The following PFKFB3 variants were observed in gnomAD, a reference collection of about 807,000 sequenced individuals.
PFKFB3 encodes 6-phosphofructo-2-kinase/fructose-2,6-bisphosphatase 3.
A neutral mutation model predicts 68.0 loss-of-function variants in PFKFB3; 33 were observed. The ratio of observed to expected loss-of-function variants is 0.49; its 90% CI spans 0.37 to 0.65. The LOEUF (loss-of-function observed/expected upper bound fraction) is 0.65. PFKFB3 is among the 30% of genes least tolerant of loss of function. The pLI is 0.00. For missense variants in PFKFB3, 586 were observed against 712.2 expected, an observed-to-expected ratio of 0.82 and a Z score of 2.02; for synonymous variants, 315 against 288.2, an observed-to-expected ratio of 1.09 and a Z score of -0.94.
chr10:6,189,059 T>G (rs952748412), intron 1 of PFKFB3, among the ~76,000 whole-genome samples: 6 of 152,162 alleles, frequency 3.9e-5, no homozygotes, highest in Non-Finnish European at 7.4e-5. Flanking sequence ...CAGGATGGTC[T>G]CGATCTCCTG....
At chr10:6,274,845 AC>A in the PFKFB3 span, among the ~76,000 whole-genome samples, 15 of 151,842 alleles carry the variant, frequency 9.9e-5, no homozygotes, top group Non-Finnish European at 2.9e-5. Flanking sequence ...CAAAAAAAAA[AC>A]AAAAAACAAA....
chr10:6,187,883 T>C (rs1408008329), intron 1 of PFKFB3, among the ~76,000 whole-genome samples: 1 of 152,158 alleles, frequency 6.6e-6, no homozygotes, highest in East Asian at 1.9e-4. Context: ...AAGTGTTCCA[T>C]AGCACTCTCA....
At chr10:6,171,124 C>T (rs140591527) in intron 1 of PFKFB3, among the ~76,000 whole-genome samples, 47 of 151,998 alleles carry the variant, frequency 3.1e-4, no homozygotes, top group African/African-American at 1.1e-3. Context: ...CTTGGCTCAC[C>T]GCAACCTCCG....
At chr10:6,145,141 C>G (rs1305510476) in intron 1 of PFKFB3, 1 of 687,586 alleles carries the variant, frequency 1.5e-6, no homozygotes, top group East Asian at 3.5e-5. Flanking sequence ...GCGGCGGTGC[C>G]GCCCGGGGCC....
At chr10:6,224,273 T>C (rs1845171874) in intron 13 of PFKFB3, 60 bp downstream of exon 13, 1 of 1,569,962 alleles carries the variant, frequency 6.4e-7, no homozygotes, top group Non-Finnish European at 8.8e-7. Flanking sequence ...TAGTGGGTGA[T>C]GGGCGCTCAG....
chr10:6,317,963 G>C, the PFKFB3 span, among the ~76,000 whole-genome samples: 65 of 152,346 alleles, frequency 4.3e-4, no homozygotes, highest in African/African-American at 1.5e-3. Flanking sequence ...AGGAGGAACA[G>C]GGCTTTTTGA....
At chr10:6,325,517 A>C in the PFKFB3 span, among the ~76,000 whole-genome samples, 7 of 152,348 alleles carry the variant, frequency 4.6e-5, no homozygotes, top group South Asian at 1.0e-3. Context: ...ATCAATTTAA[A>C]GTCCCAAAGC....
In PFKFB3 at chr10:6,182,027, C is replaced by T. The variant is rs117923998; in HGVS notation, c.17-31596C>T. ...ATAACACTGTGATTGTGCTTACTGC[C>T]CTGAACTGTGTGCCTAAAGATGGGG... On this transcript the variant is annotated intron_variant, in intron 1 of 14. Coordinates refer to the PFKFB3 transcript ENST00000379789. Among the ~76,000 whole-genome samples the T allele has an allele frequency of 2.5e-4, 38 of 152,008 alleles. No homozygotes were observed. The East Asian group carries it at 7.2e-3, about 29-fold the overall frequency.
chr10:6,222,539 C>T (rs1845042075), intron 10 of PFKFB3, among the ~76,000 whole-genome samples: 1 of 152,236 alleles, frequency 6.6e-6, no homozygotes, highest in African/African-American at 2.4e-5. Context: ...GGCCCGTCTG[C>T]TTCCTGCATC....
At chr10:6,151,678 C>T (rs947213602) in intron 1 of PFKFB3, among the ~76,000 whole-genome samples, 1 of 152,158 alleles carries the variant, frequency 6.6e-6, no homozygotes, top group African/African-American at 2.4e-5. Flanking sequence ...GGAGAAAGAT[C>T]CAATCAGGCA....
chr10:6,225,014 C>A lies in PFKFB3; in HGVS notation c.1341+801C>A, dbSNP rs116883839. 1.3e-3 allele frequency: 554 copies of A among 417,140 alleles called. 7 individuals carry two copies. The East Asian group carries it at 0.023, about 17-fold the overall frequency. The allele number at this position is 417,140 out of a possible 1,614,324, so 25.8% of individuals were successfully genotyped here. Reference sequence around the variant, plus strand: ...GCGGGTGGGGAGGCGCTTCAGGAGACCTCGAGGCCTGGCCGTGCAGCTGCT... The same window carrying A: ...GCGGGTGGGGAGGCGCTTCAGGAGAACTCGAGGCCTGGCCGTGCAGCTGCT... On this transcript the variant is annotated intron_variant, in intron 13 of 14. Transcript: ENST00000379775.
rs544241320 is a variant in PFKFB3 at position 6,154,538 on chromosome 10, G to A, written c.16+9525G>A. Among the ~76,000 whole-genome samples, 29 of 152,232 alleles carry A rather than the reference G, an allele frequency of 1.9e-4. No individual in the cohort carries two copies. In the South Asian group the frequency reaches 3.9e-3, roughly 21 times the overall value. ...GCTGGGATCATAGGCGCGAGCCACC[G>A]CGCCTGGTGGGCTGAATTAACGTGA... On this transcript the variant is annotated intron_variant, in intron 1 of 14. Coordinates refer to the PFKFB3 transcript ENST00000379789. This position sits in a 1 kb window ranked among gnomAD's most constrained non-coding sequence, Gnocchi z 4.6.
At chr10:6,202,809 G>C, upstream of PFKFB3, 16 of 897,868 alleles carry the variant, frequency 1.8e-5, no homozygotes, top group Non-Finnish European at 2.1e-5. Context: ...TTCCCGGCTC[G>C]CCCACCCTCC....
downstream of PFKFB3, among the ~76,000 whole-genome samples, chr10:6,256,499 G>C (rs747022044): frequency 6.6e-6 from 1 of 152,222 alleles, no homozygotes; most frequent in Non-Finnish European, 1.5e-5. Flanking sequence ...ATTCAGGTCT[G>C]CAGCGCCTTC....
intron 1 of PFKFB3, among the ~76,000 whole-genome samples, chr10:6,188,867 C>T (rs1842944256): frequency 7.4e-6 from 1 of 135,932 alleles, no homozygotes; most frequent in Non-Finnish European, 1.5e-5. Flanking sequence ...CGGAGTCTCG[C>T]TCTGTCCCCC....
At chr10:6,163,762 T>TCAGCGCG (rs1842036460) in intron 1 of PFKFB3, 1 of 151,374 alleles carries the variant, frequency 6.6e-6, no homozygotes, top group Non-Finnish European at 1.5e-5. Flanking sequence ...CACGAGCCGG[T>TCAGCGCG]CAGCGCGCAC....
At chr10:6,230,633 C>T (rs1588544026) in intron 14 of PFKFB3, among the ~76,000 whole-genome samples, 2 of 152,098 alleles carry the variant, frequency 1.3e-5, no homozygotes, top group Admixed American at 1.3e-4. Flanking sequence ...CCTCCTGTAA[C>T]CTGAGGGATT....
intron 12 of PFKFB3, 61 bp from the exon 13 acceptor site, chr10:6,224,088 G>T (rs1347223093): frequency 6.2e-7 from 1 of 1,611,808 alleles, no homozygotes. Context: ...GTGGCCGTGG[G>T]CTGTAAGCGG....
At chr10:6,224,447 C>G in intron 13 of PFKFB3, 1 of 641,914 alleles carries the variant, frequency 1.6e-6, no homozygotes, top group East Asian at 2.8e-5. Flanking sequence ...TTCTGCTGAG[C>G]TCGAGATATG....
Sources: gnomAD v4.1 joint callset for allele counts (sites outside exome capture counted in the v4.1 genomes callset) on GRCh38, gnomAD v4.1.1 for gene constraint, Gnocchi (gnomAD v3.1) non-coding constraint, MANE v1.5 for transcripts, NCBI Gene and HGNC (gene_info 2026-07-23, HGNC 2026-07-21) for gene names.